TIAM1: variants seen among roughly 807,000 people sequenced by gnomAD.
TIAM1 encodes the protein TIAM Rac1 associated GEF 1, also known as rho guanine nucleotide exchange factor TIAM1.
In TIAM1, 65 loss-of-function variants were observed where a neutral mutation model predicts 163.5. The observed-to-expected ratio is 0.40, with a 90% CI of 0.33 to 0.49. The LOEUF (loss-of-function observed/expected upper bound fraction) is 0.49. Among genes scored for constraint, TIAM1 ranks in the 20% least tolerant of loss-of-function variants. The pLI, the probability that TIAM1 is intolerant of heterozygous loss-of-function variation, is 0.77. For missense variants in TIAM1, 1,789 were observed against 2,044.7 expected (o/e 0.87, Z 2.41); for synonymous variants, 833 against 810.1 (o/e 1.03, Z -0.48).
chr21:31,369,038 G>GACCATCCTGGCTA (rs71318266), intron 2 of TIAM1, among the ~76,000 whole-genome samples: 4 of 151,664 alleles, frequency 2.6e-5, no homozygotes, highest in African/African-American at 9.7e-5. Context: ...GGGAGATAGA[G>GACCATCCTGGCTA]ACATGGTGAA....
chr21:31,357,258 G>A (rs935244879), intron 2 of TIAM1, among the ~76,000 whole-genome samples: 1 of 152,122 alleles, frequency 6.6e-6, no homozygotes, highest in African/African-American at 2.4e-5. Context: ...AAAATTCTCT[G>A]TCTATTCCCT....
chr21:31,368,891 A>G (rs1199388518), intron 2 of TIAM1, among the ~76,000 whole-genome samples: 1 of 152,238 alleles, frequency 6.6e-6, no homozygotes, highest in Non-Finnish European at 1.5e-5. Flanking sequence ...AGAATGTAAG[A>G]TACTTTACAA....
intron 15 of TIAM1, among the ~76,000 whole-genome samples, chr21:31,169,279 G>C (rs960155134): frequency 6.6e-6 from 1 of 152,046 alleles, no homozygotes; most frequent in African/African-American, 2.4e-5. Context: ...GGCAGACTGA[G>C]TGAGACTCCG....
chr21:31,150,586 T>C (rs1176616085), intron 19 of TIAM1, among the ~76,000 whole-genome samples: 2 of 152,120 alleles, frequency 1.3e-5, no homozygotes, highest in Admixed American at 6.5e-5. Context: ...TAAGTTCAAA[T>C]AGATCAGAAG....
At chr21:31,440,087 G>A (rs1034173986) in intron 2 of TIAM1, among the ~76,000 whole-genome samples, 1 of 152,168 alleles carries the variant, frequency 6.6e-6, no homozygotes, top group African/African-American at 2.4e-5. Context: ...GTGTTGTTAA[G>A]ATGAAGAAAT....
intron 2 of TIAM1, among the ~76,000 whole-genome samples, chr21:31,392,097 T>C (rs1279640497): frequency 6.6e-6 from 1 of 152,166 alleles, no homozygotes; most frequent in Non-Finnish European, 1.5e-5. Context: ...TAGGCTAAGC[T>C]AGGATGTTCG....
At chr21:31,285,877 A>G (rs1039337062) in intron 2 of TIAM1, among the ~76,000 whole-genome samples, 1 of 152,216 alleles carries the variant, frequency 6.6e-6, no homozygotes, top group African/African-American at 2.4e-5. Flanking sequence ...AAATTAATTA[A>G]TTAATCAATT....
chr21:31,243,743 G>A (rs911688419), intron 6 of TIAM1, among the ~76,000 whole-genome samples: 14 of 152,104 alleles, frequency 9.2e-5, no homozygotes, highest in Admixed American at 2.0e-4. Context: ...ACAAAGTCAC[G>A]ATCTTCAAAT....
intron 2 of TIAM1, among the ~76,000 whole-genome samples, chr21:31,305,133 T>C (rs970996673): frequency 7.2e-5 from 11 of 152,198 alleles, no homozygotes; most frequent in African/African-American, 2.4e-4. Context: ...AATATTTTGC[T>C]CAACAAAGAT....
chr21:31,367,999 T>A (rs146701771), intron 2 of TIAM1, among the ~76,000 whole-genome samples: 1 of 152,108 alleles, frequency 6.6e-6, no homozygotes, highest in South Asian at 2.1e-4. Context: ...AAATAGCCAC[T>A]CTAGAATATT....
intron 2 of TIAM1, among the ~76,000 whole-genome samples, chr21:31,306,017 G>C (rs973277703): frequency 6.6e-6 from 1 of 152,182 alleles, no homozygotes. Flanking sequence ...CAACGAGACA[G>C]AGGAGCACAC....
At chr21:31,390,452 T>A (rs1012354167) in intron 2 of TIAM1, among the ~76,000 whole-genome samples, 1 of 152,228 alleles carries the variant, frequency 6.6e-6, no homozygotes, top group Non-Finnish European at 1.5e-5. Flanking sequence ...TGCCTTTTCC[T>A]ATGTATTGAA....
At chr21:31,235,217 A>T (rs2088684865) in intron 6 of TIAM1, among the ~76,000 whole-genome samples, 1 of 152,198 alleles carries the variant, frequency 6.6e-6, no homozygotes, top group Non-Finnish European at 1.5e-5. Context: ...AGAAAATATC[A>T]CTGCCACATA....
intron 2 of TIAM1, among the ~76,000 whole-genome samples, chr21:31,319,324 G>A (rs372400054): frequency 2.0e-5 from 3 of 152,150 alleles, no homozygotes; most frequent in African/African-American, 7.2e-5. Context: ...ACGTGGAAGT[G>A]GAATTGTGGG....
intron 23 of TIAM1, among the ~76,000 whole-genome samples, chr21:31,133,105 C>T (rs1311370080): frequency 1.3e-5 from 2 of 152,208 alleles, no homozygotes; most frequent in African/African-American, 2.4e-5. Flanking sequence ...CCTTCCTTCA[C>T]AGCACCTCTT....
At chr21:31,387,198 T>C (rs1358317799) in intron 2 of TIAM1, among the ~76,000 whole-genome samples, 5 of 95,682 alleles carry the variant, frequency 5.2e-5, no homozygotes, top group African/African-American at 2.0e-4. Context: ...TTATTCTCTT[T>C]TTTTTTTTTT....
intron 3 of TIAM1, 99 bp downstream of exon 3, chr21:31,276,633 C>T (rs2073311611): frequency 6.6e-6 from 1 of 152,222 alleles, no homozygotes; most frequent in South Asian, 2.1e-4. Flanking sequence ...ACGAGCTACA[C>T]ACAACAATGA....
chr21:31,310,182 A>G (rs1409218268), intron 2 of TIAM1, among the ~76,000 whole-genome samples: 9 of 152,202 alleles, frequency 5.9e-5, no homozygotes, highest in Admixed American at 5.9e-4. Context: ...TGTGGGTGCA[A>G]GGAATGATGG....
intron 17 of TIAM1, among the ~76,000 whole-genome samples, chr21:31,153,798 C>T (rs961898592): frequency 1.1e-4 from 17 of 152,252 alleles, no homozygotes; most frequent in East Asian, 5.8e-4. Flanking sequence ...GTAGCTCTCA[C>T]GCCTATAGTC....
Sources: allele counts gnomAD v4.1 joint callset (sites outside exome capture counted in the v4.1 genomes callset), GRCh38; gene constraint gnomAD v4.1.1; transcripts MANE v1.5; gene names NCBI Gene and HGNC (gene_info 2026-07-23, HGNC 2026-07-21).